COL5A2: variants seen among roughly 807,000 people sequenced by gnomAD.
The protein encoded by COL5A2 is collagen type V alpha 2 chain.
A neutral mutation model predicts 208.2 loss-of-function variants in COL5A2; 23 were observed. The observed-to-expected ratio is 0.11, with a 90% confidence interval of 0.08 to 0.16. The LOEUF is 0.16. Among genes scored for constraint, COL5A2 ranks in the 10% least tolerant of loss-of-function variants. The pLI is 1.00. For missense variants in COL5A2, 1,590 were observed against 1,956.4 expected (o/e 0.81, Z 3.53); for synonymous variants, 625 against 628.5 (o/e 0.99, Z 0.08).
the COL5A2 span, among the ~76,000 whole-genome samples, chr2:189,327,152 T>C: frequency 6.6e-6 from 1 of 151,914 alleles, no homozygotes. Context: ...AGTAACACAA[T>C]TTGAATTATA....
chr2:189,191,159 C>CAAAAAAAAA (rs1688920072), intron 1 of COL5A2, among the ~76,000 whole-genome samples: 1 of 19,074 alleles, frequency 5.2e-5, no homozygotes. Flanking sequence ...AAACAAAAAA[C>CAAAAAAAAA]AAACAAACAA....
the COL5A2 span, among the ~76,000 whole-genome samples, chr2:189,251,545 T>A: frequency 6.6e-6 from 1 of 152,168 alleles, no homozygotes; most frequent in African/African-American, 2.4e-5. Flanking sequence ...GTCTACTTAA[T>A]AAATTCCTAG....
intron 1 of COL5A2, among the ~76,000 whole-genome samples, chr2:189,217,832 T>C (rs920597151): frequency 2.0e-5 from 3 of 152,154 alleles, no homozygotes; most frequent in Admixed American, 1.3e-4. Context: ...ACTGTGATGA[T>C]GACGCTCAGA....
At chr2:189,080,151 G>C (rs1008938187) in intron 13 of COL5A2, 120 bp from the exon 14 acceptor site, 8 of 757,220 alleles carry the variant, frequency 1.1e-5, no homozygotes, top group Non-Finnish European at 1.8e-5. Flanking sequence ...ATTTAAAGTT[G>C]TTGCTCAAAA....
intron 1 of COL5A2, among the ~76,000 whole-genome samples, chr2:189,140,131 G>A (rs1687908654): frequency 6.6e-6 from 1 of 151,798 alleles, no homozygotes; most frequent in African/African-American, 2.4e-5. Context: ...AATACAATTG[G>A]TTAGCATTTC....
chr2:189,173,215 C>T (rs1688608722), intron 1 of COL5A2, among the ~76,000 whole-genome samples: 1 of 151,972 alleles, frequency 6.6e-6, no homozygotes, highest in Non-Finnish European at 1.5e-5. Context: ...CTCAGGTGAT[C>T]CGCCCACCTC....
chr2:189,434,444 C>T, the COL5A2 span, among the ~76,000 whole-genome samples: 2 of 152,018 alleles, frequency 1.3e-5, no homozygotes, highest in Non-Finnish European at 2.9e-5. Context: ...TTGTCTCAGC[C>T]CAAAATCTCC....
the COL5A2 span, chr2:189,311,158 C>G: frequency 3.0e-6 from 2 of 668,584 alleles, no homozygotes; most frequent in Non-Finnish European, 5.2e-6. Context: ...ACCCCCAGCA[C>G]TGCACAGCCA....
the COL5A2 span, among the ~76,000 whole-genome samples, chr2:189,374,098 A>C: frequency 1.3e-5 from 2 of 152,178 alleles, no homozygotes; most frequent in African/African-American, 4.8e-5. Context: ...CTGGGAAAGC[A>C]GCCATAAAAC....
At chr2:189,114,647 A>T (rs986896556) in intron 1 of COL5A2, among the ~76,000 whole-genome samples, 2 of 150,914 alleles carry the variant, frequency 1.3e-5, no homozygotes, top group African/African-American at 4.9e-5. Flanking sequence ...AAAAAAAAAA[A>T]AATGTTTCTT....
In COL5A2 at chr2:189,064,500, T is replaced by C. The variant is rs887590382; in HGVS notation, c.1716+57A>G. The C allele has an allele frequency of 4.3e-5, 51 of 1,198,394 alleles. No homozygotes were observed. In the Middle Eastern group the frequency reaches 9.5e-4, roughly 22 times the overall value. 74.2% of individuals were successfully genotyped at this position (1,198,394 alleles called of 1,614,324 possible). ...TAAAAACAAACAAAAACCCGACCAA[T>C]GCATGCTCAGGAGCACTTCTCCCCT... On this transcript the variant is annotated intron_variant, in intron 25 of 53. Transcript: ENST00000374866.
At chr2:189,255,792 T>C in the COL5A2 span, among the ~76,000 whole-genome samples, 1 of 152,122 alleles carries the variant, frequency 6.6e-6, no homozygotes, top group Non-Finnish European at 1.5e-5. Context: ...ATTATAAACA[T>C]GTTATAAGAT....
chr2:189,034,294 C>G, intron 53 of COL5A2, 78 bp from the exon 54 acceptor site: 8 of 1,490,596 alleles, frequency 5.4e-6, no homozygotes, highest in Non-Finnish European at 6.5e-6. Flanking sequence ...TTCCCAGACA[C>G]TTTTATAATG....
the COL5A2 span, among the ~76,000 whole-genome samples, chr2:189,359,952 CTT>C: frequency 1.3e-5 from 2 of 152,038 alleles, no homozygotes; most frequent in Non-Finnish European, 1.5e-5. Context: ...AGTCTTCTCT[CTT>C]TTTGCTTAGT....
the COL5A2 span, among the ~76,000 whole-genome samples, chr2:189,341,870 G>T: frequency 6.6e-6 from 1 of 152,008 alleles, no homozygotes; most frequent in Non-Finnish European, 1.5e-5. Context: ...AGTGAAATTT[G>T]TTAATATAAT....
At chr2:189,053,986 G>T (rs764141108) in intron 36 of COL5A2, 38 bp from the exon 37 acceptor site, 2 of 1,594,470 alleles carry the variant, frequency 1.3e-6, no homozygotes, top group African/African-American at 2.7e-5. Context: ...GTCCAAAACA[G>T]TAGCTAAACA....
the COL5A2 span, among the ~76,000 whole-genome samples, chr2:189,340,385 A>G: frequency 6.6e-6 from 1 of 152,328 alleles, no homozygotes; most frequent in South Asian, 2.1e-4. Context: ...CTTTAAAACT[A>G]TTTAAGCAAC....
At chr2:189,322,627 G>A in the COL5A2 span, among the ~76,000 whole-genome samples, 1 of 152,114 alleles carries the variant, frequency 6.6e-6, no homozygotes, top group African/African-American at 2.4e-5. Flanking sequence ...ACTAAACCAG[G>A]AAGAAGTTGA....
At chr2:189,069,198 C>T (rs2105606556) in intron 18 of COL5A2, among the ~76,000 whole-genome samples, 1 of 152,196 alleles carries the variant, frequency 6.6e-6, no homozygotes, top group East Asian at 1.9e-4. Context: ...ATTTTTCTTC[C>T]CACACCTATC....
Sources: gnomAD v4.1 joint callset for allele counts (sites outside exome capture counted in the v4.1 genomes callset) on GRCh38, gnomAD v4.1.1 for gene constraint, MANE v1.5 for transcripts, NCBI Gene and HGNC (gene_info 2026-07-23, HGNC 2026-07-21) for gene names.